ADGRL2: variants seen among roughly 807,000 people sequenced by gnomAD.
ADGRL2 encodes the protein adhesion G protein-coupled receptor L2.
A neutral mutation model predicts 157.4 loss-of-function variants in ADGRL2; 44 were observed. That is an observed-to-expected ratio of 0.28 (90% CI 0.22 to 0.36). The LOEUF (loss-of-function observed/expected upper bound fraction) is 0.36, where lower values mean the gene tolerates loss of function less well. ADGRL2 is among the 10% of genes least tolerant of loss of function. The pLI, the probability that ADGRL2 is intolerant of heterozygous loss-of-function variation, is 1.00. For synonymous variants in ADGRL2, 585 were observed against 624.7 expected, an observed-to-expected ratio of 0.94 and a Z score of 0.95; for missense variants, 1,510 against 1,768.9, an observed-to-expected ratio of 0.85 and a Z score of 2.63.
At chr1:81,333,365 A>G (rs946405237) in intron 1 of ADGRL2, among the ~76,000 whole-genome samples, 75 of 152,052 alleles carry the variant, frequency 4.9e-4, no homozygotes, top group African/African-American at 1.6e-3. Flanking sequence ...CTTTAGCTGC[A>G]TTTATGCTGG....
At chr1:81,435,930 C>T (rs1474365149) in intron 1 of ADGRL2, among the ~76,000 whole-genome samples, 1 of 152,052 alleles carries the variant, frequency 6.6e-6, no homozygotes, top group Non-Finnish European at 1.5e-5. Flanking sequence ...AACCCCATCT[C>T]TACTAAAAAT....
At chr1:81,554,455 T>A (rs2080223854) in intron 2 of ADGRL2, among the ~76,000 whole-genome samples, 1 of 152,088 alleles carries the variant, frequency 6.6e-6, no homozygotes, top group South Asian at 2.1e-4. Flanking sequence ...TGTCCTGCTA[T>A]TTCCCCTCTT....
chr1:81,633,142 G>A lies in ADGRL2; in HGVS notation c.-143+52162G>A, dbSNP rs1277873299. On this transcript the variant is annotated intron_variant, in intron 3 of 24. Transcript: ENST00000370721. ...CCCAATATACAGAGAGAAACCGTGAGCTTTTATATGGGCTGCATCTTTGTA... is the reference window on the plus strand; with the variant it reads ...CCCAATATACAGAGAGAAACCGTGAACTTTTATATGGGCTGCATCTTTGTA... Among the ~76,000 whole-genome samples, 5 of 152,236 alleles carry A rather than the reference G, an allele frequency of 3.3e-5. No homozygotes were observed. In the South Asian group the frequency reaches 1.0e-3, roughly 32 times the overall value.
chr1:81,419,637 G>A (rs966316548), intron 1 of ADGRL2, among the ~76,000 whole-genome samples: 1 of 152,112 alleles, frequency 6.6e-6, no homozygotes, highest in Non-Finnish European at 1.5e-5. Context: ...ATATCTCTAG[G>A]ACAGTATTTT....
At chr1:81,700,249 G>A (rs914497299) in intron 1 of ADGRL2, among the ~76,000 whole-genome samples, 2 of 152,180 alleles carry the variant, frequency 1.3e-5, no homozygotes, top group African/African-American at 2.4e-5. Context: ...TCAGAGGAAC[G>A]GAGAAACCAA....
Position 81,516,508 on chromosome 1 carries a change from A to G in ADGRL2, c.-247-64368A>G, listed in dbSNP as rs553140557. Among the ~76,000 whole-genome samples the G allele has an allele frequency of 2.0e-5, 3 of 152,348 alleles. No individual in the cohort carries two copies. In the East Asian group the frequency reaches 5.8e-4, roughly 29 times the overall value. On this transcript the variant is annotated intron_variant, in intron 2 of 24. Transcript: ENST00000370721. ...TACCTGACTTTTAGAGTCTATAGTA[A>G]GAGCCCCACATGTTTTCCATGAATA... is the stretch of plus-strand genomic sequence containing the variant.
At chr1:81,895,253 TG>T (rs1213875162) in intron 2 of ADGRL2, among the ~76,000 whole-genome samples, 2 of 152,162 alleles carry the variant, frequency 1.3e-5, no homozygotes, top group African/African-American at 4.8e-5. Flanking sequence ...AGGAGGAAGC[TG>T]TTGTTACACA....
At chr1:81,933,852 A>C (rs2095270577) in intron 3 of ADGRL2, among the ~76,000 whole-genome samples, 1 of 152,094 alleles carries the variant, frequency 6.6e-6, no homozygotes, top group African/African-American at 2.4e-5. Context: ...ACTGGCATGC[A>C]AAGTTCTAAT....
chr1:81,800,810 G>A (rs1276138177), upstream of ADGRL2, among the ~76,000 whole-genome samples: 3 of 149,166 alleles, frequency 2.0e-5, no homozygotes, highest in African/African-American at 7.4e-5. Flanking sequence ...GAATGGGTGT[G>A]TTAATGGGGG....
At chr1:81,733,690 T>C (rs372229642) in intron 1 of ADGRL2, among the ~76,000 whole-genome samples, 1 of 152,086 alleles carries the variant, frequency 6.6e-6, no homozygotes, top group Admixed American at 6.6e-5. Flanking sequence ...TATGTTGCAG[T>C]GAGTGGAAGA....
At chr1:81,639,311 C>A (rs879877488) in intron 3 of ADGRL2, among the ~76,000 whole-genome samples, 5 of 152,024 alleles carry the variant, frequency 3.3e-5, no homozygotes, top group African/African-American at 7.2e-5. Context: ...CCTCAGGTGA[C>A]CAATCCACTT....
intron 2 of ADGRL2, among the ~76,000 whole-genome samples, chr1:81,878,392 G>A (rs2093896547): frequency 6.6e-6 from 1 of 152,048 alleles, no homozygotes; most frequent in Non-Finnish European, 1.5e-5. Flanking sequence ...GATTTCAGAA[G>A]ATTTATTTAT....
intron 3 of ADGRL2, among the ~76,000 whole-genome samples, chr1:81,915,804 G>A (rs1303750850): frequency 6.6e-6 from 1 of 152,124 alleles, no homozygotes; most frequent in African/African-American, 2.4e-5. Context: ...CAATAGACGT[G>A]AACGTGAACA....
chr1:81,517,798 C>T (rs1054329351), intron 2 of ADGRL2, among the ~76,000 whole-genome samples: 4 of 152,200 alleles, frequency 2.6e-5, no homozygotes, highest in African/African-American at 9.7e-5. Context: ...TCTGACCATA[C>T]CTCTTTCTTT....
chr1:81,559,951 G>T (rs956416420), intron 2 of ADGRL2, among the ~76,000 whole-genome samples: 3 of 152,150 alleles, frequency 2.0e-5, no homozygotes, highest in African/African-American at 7.2e-5. Context: ...TATTATGACA[G>T]TTTTTCAGCA....
chr1:81,489,164 G>A lies in ADGRL2; in HGVS notation c.-248+44075G>A, dbSNP rs549874419. Among the ~76,000 whole-genome samples the A allele has an allele frequency of 4.6e-5, 7 of 152,170 alleles. No individual in the cohort carries two copies. In the East Asian group the frequency reaches 1.4e-3, roughly 29 times the overall value. On this transcript the variant is annotated intron_variant, in intron 2 of 24. Transcript: ENST00000370721. ...AGGCAGGAGAATCACTTGAACCTGG[G>A]AGGTGGAGGTTGCAGTGAGCTGAGA... is the stretch of plus-strand genomic sequence containing the variant.
intron 3 of ADGRL2, among the ~76,000 whole-genome samples, chr1:81,622,346 G>C (rs1370332523): frequency 6.6e-6 from 1 of 151,308 alleles, no homozygotes; most frequent in Non-Finnish European, 1.5e-5. Flanking sequence ...ACTTTGGGAG[G>C]CCGAGGCTGG....
chr1:81,666,378 G>A (rs1557549450), intron 3 of ADGRL2, among the ~76,000 whole-genome samples: 1 of 152,122 alleles, frequency 6.6e-6, no homozygotes. Context: ...ATAAATACAA[G>A]GAGGATGCTG....
At chr1:81,420,265 A>T (rs1245708441) in intron 1 of ADGRL2, among the ~76,000 whole-genome samples, 1 of 152,172 alleles carries the variant, frequency 6.6e-6, no homozygotes, top group African/African-American at 2.4e-5. Flanking sequence ...TCCTCCCTCC[A>T]AAGGACTTCA....
Sources: allele counts gnomAD v4.1 joint callset (sites outside exome capture counted in the v4.1 genomes callset), GRCh38; gene constraint gnomAD v4.1.1; transcripts MANE v1.5; gene names NCBI Gene and HGNC (gene_info 2026-07-23, HGNC 2026-07-21).